GNAQ: variants seen among roughly 807,000 people sequenced by gnomAD.
GNAQ encodes the protein guanine nucleotide-binding protein G(q) subunit alpha.
A neutral mutation model predicts 43.9 loss-of-function variants in GNAQ; 8 were observed. The observed-to-expected ratio is 0.18, with a 90% CI of 0.11 to 0.33. GNAQ has a LOEUF of 0.33. Ranked by LOEUF, GNAQ falls within the 10% of genes least tolerant of loss-of-function variation. The pLI is 1.00. For missense variants in GNAQ, 158 were observed against 450.8 expected (o/e 0.35, Z 5.88); for synonymous variants, 155 against 170.7 (o/e 0.91, Z 0.71).
intron 1 of GNAQ, among the ~76,000 whole-genome samples, chr9:77,935,454 A>C (rs1829217521): frequency 6.6e-6 from 1 of 152,232 alleles, no homozygotes; most frequent in Non-Finnish European, 1.5e-5. Flanking sequence ...AAAATTTTTT[A>C]AGATTCAGCT....
intron 1 of GNAQ, among the ~76,000 whole-genome samples, chr9:77,930,608 C>A (rs1317952952): frequency 6.6e-6 from 1 of 152,048 alleles, no homozygotes; most frequent in Non-Finnish European, 1.5e-5. Flanking sequence ...TTACCTTTTA[C>A]AATTAACTAA....
At chr9:77,795,957 G>A (rs1413988164) in intron 4 of GNAQ, among the ~76,000 whole-genome samples, 1 of 152,146 alleles carries the variant, frequency 6.6e-6, no homozygotes, top group Non-Finnish European at 1.5e-5. Flanking sequence ...CACTAATTGC[G>A]AAGCAATAAG....
At chr9:77,980,572 A>G (rs1823355942) in intron 1 of GNAQ, among the ~76,000 whole-genome samples, 1 of 152,182 alleles carries the variant, frequency 6.6e-6, no homozygotes, top group African/African-American at 2.4e-5. Context: ...ACTTTATCAT[A>G]TCAAGATATT....
chr9:77,749,263 G>A (rs1825776209), intron 5 of GNAQ, among the ~76,000 whole-genome samples: 1 of 152,170 alleles, frequency 6.6e-6, no homozygotes, highest in Non-Finnish European at 1.5e-5. Flanking sequence ...TGAGGAATGA[G>A]GCTCCACTGT....
At chr9:77,948,140 CATAA>C (rs1195559674) in intron 1 of GNAQ, among the ~76,000 whole-genome samples, 2 of 152,070 alleles carry the variant, frequency 1.3e-5, no homozygotes, top group Non-Finnish European at 2.9e-5. Flanking sequence ...TTCAAAACGG[CATAA>C]ATGTTTTTGA....
Position 77,933,253 on chromosome 9 carries a change from C to T in GNAQ, c.137-10908G>A, listed in dbSNP as rs568838232. Among the ~76,000 whole-genome samples, 43 of 152,254 alleles carry T rather than the reference C, an allele frequency of 2.8e-4. No individual in the cohort carries two copies. The East Asian group carries it at 7.7e-3, about 27-fold the overall frequency. ...TGTGAGTCAGAGCAGGCTGCAAAAC[C>T]TGATTTGCAATTTCACTTCCTATGA... On this transcript the variant is annotated intron_variant, in intron 1 of 6. Transcript: ENST00000286548.
At chr9:78,030,829 G>A (rs1320484833) in intron 1 of GNAQ, among the ~76,000 whole-genome samples, 1 of 152,072 alleles carries the variant, frequency 6.6e-6, no homozygotes, top group African/African-American at 2.4e-5. Flanking sequence ...ACACGAAAAG[G>A]AACAAGCCAA....
At chr9:77,984,030 C>G (rs1156393995) in intron 1 of GNAQ, among the ~76,000 whole-genome samples, 1 of 87,682 alleles carries the variant, frequency 1.1e-5, no homozygotes, top group East Asian at 4.0e-4. Flanking sequence ...GCAGCATATG[C>G]AAGTAGAATT....
At chr9:78,017,239 A>G (rs1823850395) in intron 1 of GNAQ, among the ~76,000 whole-genome samples, 1 of 152,202 alleles carries the variant, frequency 6.6e-6, no homozygotes, top group Non-Finnish European at 1.5e-5. Context: ...AACATGTCTG[A>G]TTTCAAGCTA....
Position 77,797,578 on chromosome 9 carries a change from G to A in GNAQ, c.547C>T (p.Arg183Ter), listed in dbSNP as rs1826677470. The stretch of plus-strand genomic sequence containing the variant: ...TCGATGATCCCTGTGGTGGGGACTC[G>A]AACTCTAAGCACATCTTGTTGCGTA... ...LPTQQDVLRV[R>*]VPTTGIIEYP... The change falls in exon 4 of 7, where the codon CGA (arginine) becomes TGA (stop). Residue 183 changes from arginine to a stop codon, truncating the protein, a stop_gained. Transcript: ENST00000286548. LOFTEE classifies it high-confidence loss of function. 6.2e-7 allele frequency: 1 copy of A among 1,612,912 alleles called. No homozygotes were observed. Among genetic ancestry groups the A allele is most frequent in the Non-Finnish European group, 8.5e-7 (1 of 1,178,934 alleles).
chr9:77,732,302 A>T (rs1449086005), intron 5 of GNAQ, among the ~76,000 whole-genome samples: 2 of 152,036 alleles, frequency 1.3e-5, no homozygotes, highest in Non-Finnish European at 2.9e-5. Flanking sequence ...GGTGGTAATC[A>T]CGCCCTCTTT....
intron 2 of GNAQ, among the ~76,000 whole-genome samples, chr9:77,851,249 T>C (rs899434585): frequency 2.0e-5 from 3 of 152,188 alleles, no homozygotes; most frequent in African/African-American, 4.8e-5. Flanking sequence ...AGGTTTCAGA[T>C]GAAAACCCCA....
At chr9:77,726,720 T>A (rs2118210421) in intron 6 of GNAQ, among the ~76,000 whole-genome samples, 1 of 152,338 alleles carries the variant, frequency 6.6e-6, no homozygotes, top group Non-Finnish European at 1.5e-5. Context: ...ACTTTTGGGT[T>A]TCTGCTATGT....
intron 5 of GNAQ, among the ~76,000 whole-genome samples, chr9:77,745,220 G>T (rs1458122451): frequency 6.6e-6 from 1 of 152,110 alleles, no homozygotes; most frequent in Non-Finnish European, 1.5e-5. Context: ...AAACAGCTGG[G>T]TTCTGCCATC....
At chr9:77,742,560 T>TA (rs1825670333) in intron 5 of GNAQ, among the ~76,000 whole-genome samples, 1 of 151,684 alleles carries the variant, frequency 6.6e-6, no homozygotes, top group Non-Finnish European at 1.5e-5. Flanking sequence ...ATTACTAAGT[T>TA]ACGCAGTCAG....
intron 1 of GNAQ, among the ~76,000 whole-genome samples, chr9:77,956,185 A>G (rs769839589): frequency 6.6e-6 from 1 of 152,174 alleles, no homozygotes; most frequent in Non-Finnish European, 1.5e-5. Context: ...GAACCTTATA[A>G]AGTTAGGTAA....
chr9:77,727,784 A>G (rs1253604775), intron 6 of GNAQ, among the ~76,000 whole-genome samples: 2 of 152,166 alleles, frequency 1.3e-5, no homozygotes, highest in Non-Finnish European at 1.5e-5. Flanking sequence ...ACAAATAGGA[A>G]GTGTCAGAAC....
At chr9:77,755,458 T>C (rs1470506727) in intron 5 of GNAQ, among the ~76,000 whole-genome samples, 1 of 152,210 alleles carries the variant, frequency 6.6e-6, no homozygotes, top group East Asian at 1.9e-4. Context: ...TCTATCAAAA[T>C]GTGTCATGTA....
intron 5 of GNAQ, among the ~76,000 whole-genome samples, chr9:77,774,057 T>C (rs1355022979): frequency 1.3e-5 from 2 of 152,156 alleles, no homozygotes; most frequent in African/African-American, 2.4e-5. Flanking sequence ...CTGGTTAAAT[T>C]TGGCCACCAA....
Sources: allele counts gnomAD v4.1 joint callset (sites outside exome capture counted in the v4.1 genomes callset), GRCh38; gene constraint gnomAD v4.1.1; transcripts MANE v1.5; gene names NCBI Gene and HGNC (gene_info 2026-07-23, HGNC 2026-07-21).